The following CACNA1D variants were observed in gnomAD, a reference collection of about 807,000 sequenced individuals.
CACNA1D encodes voltage-dependent L-type calcium channel subunit alpha-1D.
In CACNA1D, 55 loss-of-function variants were observed where a neutral mutation model predicts 257.1. That is an observed-to-expected ratio of 0.21 (90% CI 0.17 to 0.27). The LOEUF is 0.27. Ranked by LOEUF, CACNA1D falls within the 10% of genes least tolerant of loss-of-function variation. CACNA1D has a pLI of 1.00. For missense variants in CACNA1D, 1,876 were observed against 2,784.0 expected, an observed-to-expected ratio of 0.67 and a Z score of 7.34; for synonymous variants, 980 against 1,014.9, an observed-to-expected ratio of 0.97 and a Z score of 0.65.
chr3:53,764,398 A>G (rs1037560424), intron 30 of CACNA1D, among the ~76,000 whole-genome samples: 3 of 152,234 alleles, frequency 2.0e-5, no homozygotes, highest in African/African-American at 7.2e-5. Flanking sequence ...TGAGCCAGAG[A>G]TGGCCTATAA....
chr3:53,572,357 GGTTTGTTTGTTT>G lies in CACNA1D; in HGVS notation c.483+70646_483+70657del, dbSNP rs58548804. Among the ~76,000 whole-genome samples, 864 of 144,796 alleles carry G rather than the reference GGTTTGTTTGTTT, an allele frequency of 6.0e-3. 11 individuals carry two copies. Among genetic ancestry groups the G allele is most frequent in the East Asian group, 9.4e-3 (47 of 5,012 alleles). 95.0% of individuals were successfully genotyped at this position (144,796 alleles called of 152,430 possible). ...AACTTTTTTGGCCCTCTCTGCCTCT[GGTTTGTTTGTTT>G]GTTTGTTTATTTATTTATTTATTTA... On this transcript the variant is annotated intron_variant, in intron 3 of 47. Transcript: ENST00000350061.
chr3:53,739,443 G>A (rs1258944597), intron 20 of CACNA1D, among the ~76,000 whole-genome samples: 1 of 152,194 alleles, frequency 6.6e-6, no homozygotes, highest in Non-Finnish European at 1.5e-5. Context: ...CAGACTTCTT[G>A]CTGCTGGCCC....
At chr3:53,801,934 G>T (rs541898968) in intron 42 of CACNA1D, among the ~76,000 whole-genome samples, 6 of 152,274 alleles carry the variant, frequency 3.9e-5, no homozygotes, top group African/African-American at 1.2e-4. Context: ...TTTGTCTTCA[G>T]ATTCTTTTTT....
intron 9 of CACNA1D, among the ~76,000 whole-genome samples, chr3:53,712,792 C>CA (rs1026452873): frequency 2.4e-4 from 37 of 152,188 alleles, no homozygotes; most frequent in African/African-American, 8.2e-4. Flanking sequence ...CCTGAGTGTG[C>CA]AAAAAAGTCT....
At chr3:53,622,395 A>C (rs998572934) in intron 3 of CACNA1D, among the ~76,000 whole-genome samples, 3 of 152,232 alleles carry the variant, frequency 2.0e-5, no homozygotes, top group African/African-American at 7.2e-5. Context: ...ATTTATACAC[A>C]AATTATTATA....
At chr3:53,525,866 T>TTAC (rs1225410836) in intron 3 of CACNA1D, among the ~76,000 whole-genome samples, 2 of 152,154 alleles carry the variant, frequency 1.3e-5, no homozygotes, top group African/African-American at 4.8e-5. Flanking sequence ...TTGGCTCACA[T>TTAC]TGCTGGCCAG....
intron 32 of CACNA1D, among the ~76,000 whole-genome samples, chr3:53,771,409 C>T (rs1315591463): frequency 6.6e-6 from 1 of 152,216 alleles, no homozygotes; most frequent in Non-Finnish European, 1.5e-5. Flanking sequence ...CTCACCCACC[C>T]CTGGGGTAAC....
At chr3:53,724,602 A>C (rs764968595) in intron 14 of CACNA1D, among the ~76,000 whole-genome samples, 2 of 152,220 alleles carry the variant, frequency 1.3e-5, no homozygotes, top group Non-Finnish European at 2.9e-5. Context: ...TCTGCTGCTC[A>C]GAGCAGCAGC....
chr3:53,741,258 A>C (rs1008569792), intron 21 of CACNA1D, among the ~76,000 whole-genome samples: 1 of 152,226 alleles, frequency 6.6e-6, no homozygotes, highest in Non-Finnish European at 1.5e-5. Context: ...TGTCAGGGCA[A>C]CCATCTCCTA....
At chr3:53,686,782 T>C (rs989618471) in intron 8 of CACNA1D, among the ~76,000 whole-genome samples, 1 of 152,062 alleles carries the variant, frequency 6.6e-6, no homozygotes, top group African/African-American at 2.4e-5. Flanking sequence ...TTTTATTCAA[T>C]GTTTTATTGA....
At chr3:53,618,589 G>A (rs150604722) in intron 3 of CACNA1D, among the ~76,000 whole-genome samples, 10 of 152,262 alleles carry the variant, frequency 6.6e-5, no homozygotes, top group Non-Finnish European at 1.0e-4. Context: ...GAACCCACCC[G>A]CTTCTGGTTT....
At chr3:53,724,632 C>T (rs1003733617) in intron 14 of CACNA1D, among the ~76,000 whole-genome samples, 15 of 152,348 alleles carry the variant, frequency 9.8e-5, no homozygotes, top group African/African-American at 2.6e-4. Context: ...CCTGACTCTA[C>T]GCTGAGGTGC....
At chr3:53,629,330 G>T (rs1357145750) in intron 3 of CACNA1D, among the ~76,000 whole-genome samples, 1 of 152,250 alleles carries the variant, frequency 6.6e-6, no homozygotes, top group South Asian at 2.1e-4. Flanking sequence ...CACTAACCAG[G>T]ACAGAAGCCT....
At chr3:53,716,127 A>C (rs1398845180) in intron 9 of CACNA1D, among the ~76,000 whole-genome samples, 1 of 152,258 alleles carries the variant, frequency 6.6e-6, no homozygotes, top group Non-Finnish European at 1.5e-5. Context: ...AATAATGACT[A>C]ATGTTCCTAC....
intron 3 of CACNA1D, among the ~76,000 whole-genome samples, chr3:53,618,607 G>T (rs968338900): frequency 1.3e-5 from 2 of 152,158 alleles, no homozygotes; most frequent in African/African-American, 4.8e-5. Context: ...TTTTCCATGT[G>T]GACCATTTAT....
intron 3 of CACNA1D, among the ~76,000 whole-genome samples, chr3:53,560,796 G>T (rs1021090121): frequency 6.6e-6 from 1 of 152,192 alleles, no homozygotes; most frequent in East Asian, 1.9e-4. Flanking sequence ...TAGTGGGCCA[G>T]ATTTCGCCCA....
intron 8 of CACNA1D, chr3:53,679,382 T>C (rs767624746): frequency 1.2e-4 from 17 of 145,520 alleles, no homozygotes; most frequent in Non-Finnish European, 2.1e-4. Flanking sequence ...CCAATATATA[T>C]ACCTCTGATA....
intron 8 of CACNA1D, among the ~76,000 whole-genome samples, chr3:53,683,845 A>G (rs1184961218): frequency 6.6e-6 from 1 of 152,210 alleles, no homozygotes; most frequent in Non-Finnish European, 1.5e-5. Flanking sequence ...ACAGGAGAAT[A>G]AAGAGATTGA....
intron 4 of CACNA1D, among the ~76,000 whole-genome samples, chr3:53,651,300 A>G (rs56382384): frequency 0.011 from 1,739 of 151,558 alleles, 26 homozygotes; most frequent in Non-Finnish European, 0.014. Context: ...AGTAAAAAGT[A>G]ATAAAACCTT....
Sources: gnomAD v4.1 joint callset for allele counts (sites outside exome capture counted in the v4.1 genomes callset) on GRCh38, gnomAD v4.1.1 for gene constraint, MANE v1.5 for transcripts, NCBI Gene and HGNC (gene_info 2026-07-23, HGNC 2026-07-21) for gene names.